ELAPOR2: variants seen among roughly 807,000 people sequenced by gnomAD.
ELAPOR2 encodes endosome-lysosome associated apoptosis and autophagy regulator family member 2, also known as endosome/lysosome-associated apoptosis and autophagy regulator family member 2.
A neutral mutation model predicts 120.7 loss-of-function variants in ELAPOR2; 89 were observed. The observed-to-expected ratio is 0.74, with a 90% CI of 0.62 to 0.88. The LOEUF is 0.88. ELAPOR2 is among the 40% of genes least tolerant of loss of function. The pLI, the probability that ELAPOR2 is intolerant of heterozygous loss-of-function variation, is 0.00. For synonymous variants in ELAPOR2, 444 were observed against 444.9 expected, an observed-to-expected ratio of 1.00 and a Z score of 0.03; for missense variants, 1,134 against 1,251.6, an observed-to-expected ratio of 0.91 and a Z score of 1.42.
chr7:86,985,308 C>T (rs1034963651), intron 1 of ELAPOR2, among the ~76,000 whole-genome samples: 24 of 152,258 alleles, frequency 1.6e-4, no homozygotes, highest in African/African-American at 5.5e-4. Context: ...TTCCAATCAA[C>T]AGAAAAACAG....
chr7:86,884,661 G>A (rs963618019), intron 21 of ELAPOR2, among the ~76,000 whole-genome samples: 1 of 152,086 alleles, frequency 6.6e-6, no homozygotes, highest in Non-Finnish European at 1.5e-5. Flanking sequence ...CCCTCTTTTA[G>A]ATAAAAATTA....
chr7:86,966,112 C>T (rs926998370), intron 1 of ELAPOR2: 3 of 225,694 alleles, frequency 1.3e-5, no homozygotes, highest in African/African-American at 7.0e-5. Context: ...CTCATAATTA[C>T]TATAAGCAAC....
chr7:87,036,882 T>C (rs1479653710), intron 1 of ELAPOR2, among the ~76,000 whole-genome samples: 1 of 152,118 alleles, frequency 6.6e-6, no homozygotes, highest in Non-Finnish European at 1.5e-5. Context: ...CTCAGCATCA[T>C]ACAATATGCC....
chr7:86,905,997 G>C (rs1788994186), intron 18 of ELAPOR2, among the ~76,000 whole-genome samples: 1 of 152,146 alleles, frequency 6.6e-6, no homozygotes, highest in Non-Finnish European at 1.5e-5. Flanking sequence ...CCTTACGAGA[G>C]TTAGAGTGAT....
At chr7:86,956,598 C>A (rs1791480767) in intron 2 of ELAPOR2, among the ~76,000 whole-genome samples, 1 of 152,178 alleles carries the variant, frequency 6.6e-6, no homozygotes. Flanking sequence ...AGATAGTAAT[C>A]CCCGTTAAAT....
At chr7:87,008,247 C>G (rs1379846007) in intron 1 of ELAPOR2, among the ~76,000 whole-genome samples, 1 of 152,138 alleles carries the variant, frequency 6.6e-6, no homozygotes, top group African/African-American at 2.4e-5. Flanking sequence ...TCCACAAACC[C>G]AACTGGACAG....
Position 86,912,061 on chromosome 7 carries a change from C to G in ELAPOR2, c.2169+11G>C. On this transcript the variant is annotated intron_variant, in intron 15 of 21. Transcript: ENST00000450689. ...ATATAGGTCCATCTCACCTTGACAG[C>G]CAGAACTCACCTCATGCCCACATAA... 1.3e-6 allele frequency: 2 copies of G among 1,595,070 alleles called. No individual in the cohort carries two copies. The highest frequency in any genetic ancestry group is 1.7e-6 in the Non-Finnish European group (2 of 1,164,826).
At chr7:86,985,080 T>C (rs1792668769) in intron 1 of ELAPOR2, among the ~76,000 whole-genome samples, 1 of 151,694 alleles carries the variant, frequency 6.6e-6, no homozygotes. Context: ...AACTAGAAAA[T>C]CTAGAAGAAA....
At chr7:86,897,391 T>C (rs1414865705) in intron 19 of ELAPOR2, 115 bp downstream of exon 19, 3 of 1,281,314 alleles carry the variant, frequency 2.3e-6, no homozygotes, top group Admixed American at 2.4e-5. Flanking sequence ...CCTACCAATG[T>C]AACATTAAGT....
Position 86,918,427 on chromosome 7 carries a change from C to A in ELAPOR2, c.1593+15G>T. ...AGCTTAGAAATCTGCCTTTGAAAGC[C>A]GCCCGTCCACTTACCACCATGAAGT... is the stretch of plus-strand genomic sequence containing the variant. On this transcript the variant is annotated intron_variant, in intron 12 of 21. Transcript: ENST00000450689. The A allele has an allele frequency of 1.3e-6, 2 of 1,555,516 alleles. No homozygotes were observed. The highest frequency in any genetic ancestry group is 8.8e-7 in the Non-Finnish European group (1 of 1,130,242).
intron 19 of ELAPOR2, among the ~76,000 whole-genome samples, chr7:86,893,652 A>C (rs1250429161): frequency 6.6e-6 from 1 of 151,992 alleles, no homozygotes; most frequent in Non-Finnish European, 1.5e-5. Flanking sequence ...GTGGGCACAC[A>C]GTCTACACCC....
At chr7:87,027,966 T>C (rs1794299024) in intron 1 of ELAPOR2, among the ~76,000 whole-genome samples, 2 of 152,146 alleles carry the variant, frequency 1.3e-5, no homozygotes, top group African/African-American at 4.8e-5. Context: ...CTGAAAATTA[T>C]AAGTATGCCT....
intron 1 of ELAPOR2, among the ~76,000 whole-genome samples, chr7:87,048,224 C>T (rs1795009631): frequency 6.8e-6 from 1 of 146,920 alleles, no homozygotes; most frequent in African/African-American, 2.5e-5. Context: ...AGCCTGGCGA[C>T]AGAGTGAGAC....
intron 1 of ELAPOR2, among the ~76,000 whole-genome samples, chr7:87,042,992 A>C (rs1794833769): frequency 1.3e-5 from 2 of 152,228 alleles, no homozygotes; most frequent in Non-Finnish European, 2.9e-5. Flanking sequence ...CCTCTACACA[A>C]ATAAACTAGA....
At chr7:86,893,286 GA>G (rs200243026) in intron 19 of ELAPOR2, among the ~76,000 whole-genome samples, 186 bp from the exon 20 acceptor site, 5 of 151,546 alleles carry the variant, frequency 3.3e-5, no homozygotes, top group Non-Finnish European at 7.4e-5. Flanking sequence ...AGAAACACAG[GA>G]AAAAAATATA....
chr7:86,899,503 A>G (rs531408029), intron 18 of ELAPOR2, among the ~76,000 whole-genome samples: 2 of 152,272 alleles, frequency 1.3e-5, no homozygotes, highest in African/African-American at 2.4e-5. Flanking sequence ...ACTCTTTTGA[A>G]GTTTTAACTT....
At chr7:87,039,810 C>G (rs900200678) in intron 1 of ELAPOR2, among the ~76,000 whole-genome samples, 3 of 152,188 alleles carry the variant, frequency 2.0e-5, no homozygotes, top group Admixed American at 6.5e-5. Context: ...CAGCTCCCAG[C>G]GTGAGCGACG....
At chr7:86,989,946 C>G (rs1562958332) in intron 1 of ELAPOR2, among the ~76,000 whole-genome samples, 5 of 152,202 alleles carry the variant, frequency 3.3e-5, no homozygotes, top group African/African-American at 9.6e-5. Flanking sequence ...TGTTTGTTCC[C>G]TCCAAAACTC....
Position 86,876,951 on chromosome 7 carries a change from AT to A in ELAPOR2, c.*3519del, listed in dbSNP as rs1403290871. 2 of 152,142 alleles carry A rather than the reference AT, an allele frequency of 1.3e-5. No individual in the cohort carries two copies. Among genetic ancestry groups the A allele is most frequent in the African/African-American group, 4.8e-5 (2 of 41,444 alleles). The allele number at this position is 152,142 out of a possible 1,614,324, so 9.4% of individuals were successfully genotyped here. On this transcript the variant is annotated 3_prime_UTR_variant, in exon 22 of 22. Coordinates refer to ENST00000450689, the MANE Select transcript of ELAPOR2 (RefSeq NM_001142749.3). ...GTTTTATTGGAATGCAGCCACGCCCATCCATTTACATTTTGTATGTGGTTGC... is the reference window on the plus strand; with the variant it reads ...GTTTTATTGGAATGCAGCCACGCCCACCATTTACATTTTGTATGTGGTTGC...
Sources: allele counts gnomAD v4.1 joint callset (sites outside exome capture counted in the v4.1 genomes callset), GRCh38; gene constraint gnomAD v4.1.1; transcripts MANE v1.5; gene names NCBI Gene and HGNC (gene_info 2026-07-23, HGNC 2026-07-21).